The following NEK5 variants were observed in gnomAD, a reference collection of about 807,000 sequenced individuals.
The protein encoded by NEK5 is serine/threonine-protein kinase Nek5.
NEK5 carries 88 observed loss-of-function variants against 109.2 expected under a neutral mutation model. The ratio of observed to expected loss-of-function variants is 0.81; its 90% CI spans 0.68 to 0.96. The LOEUF (loss-of-function observed/expected upper bound fraction) is 0.96. Ranked by LOEUF, NEK5 falls within the 40% of genes least tolerant of loss-of-function variation. The pLI, the probability that NEK5 is intolerant of heterozygous loss-of-function variation, is 0.00. For missense variants in NEK5, 834 were observed against 920.7 expected (o/e 0.91, Z 1.22); for synonymous variants, 283 against 299.9 (o/e 0.94, Z 0.58).
At chr13:52,074,978 T>C (rs929444113) in intron 19 of NEK5, among the ~76,000 whole-genome samples, 3 of 152,058 alleles carry the variant, frequency 2.0e-5, no homozygotes, top group Non-Finnish European at 4.4e-5. Flanking sequence ...AAAACAAATA[T>C]TGGCGAGGCT....
At chr13:52,110,309 T>G (rs1955732635) in intron 7 of NEK5, 31 bp downstream of exon 7, 4 of 1,451,094 alleles carry the variant, frequency 2.8e-6, no homozygotes, top group Non-Finnish European at 3.9e-6. Flanking sequence ...CTATTTTGAC[T>G]AGAAAGAAAA....
intron 17 of NEK5, among the ~76,000 whole-genome samples, chr13:52,081,238 A>C (rs968112276): frequency 8.5e-5 from 13 of 152,360 alleles, no homozygotes; most frequent in Admixed American, 3.3e-4. Flanking sequence ...CCCTTCAAAA[A>C]AGATAATTAA....
chr13:52,057,764 A>T (rs929513904), intron 22 of NEK5, among the ~76,000 whole-genome samples: 5 of 152,192 alleles, frequency 3.3e-5, no homozygotes, highest in Admixed American at 1.3e-4. Flanking sequence ...CTTCATGCTA[A>T]AAACTCTCAA....
chr13:52,097,950 T>C (rs956956887), intron 12 of NEK5, among the ~76,000 whole-genome samples: 1 of 152,182 alleles, frequency 6.6e-6, no homozygotes, highest in Admixed American at 6.5e-5. Context: ...CTTGTGATAG[T>C]AAGTTCTCCA....
intron 19 of NEK5, among the ~76,000 whole-genome samples, chr13:52,075,495 G>T (rs918926200): frequency 2.0e-5 from 3 of 152,076 alleles, no homozygotes; most frequent in African/African-American, 4.8e-5. Flanking sequence ...CTACAGTGGG[G>T]GTAAGAAAGG....
intron 21 of NEK5, among the ~76,000 whole-genome samples, chr13:52,064,199 G>T (rs1263743798): frequency 7.1e-6 from 1 of 141,566 alleles, no homozygotes; most frequent in Non-Finnish European, 1.5e-5. Flanking sequence ...CCCCCGCCCG[G>T]CCAGCCGCCC....
intron 4 of NEK5, among the ~76,000 whole-genome samples, chr13:52,114,472 C>T (rs1452727379): frequency 6.6e-6 from 1 of 152,230 alleles, no homozygotes; most frequent in Non-Finnish European, 1.5e-5. Flanking sequence ...TCTTCTTTCA[C>T]ATATTTCAAT....
At chr13:52,043,407 G>C (rs765540228) in intron 23 of NEK5, among the ~76,000 whole-genome samples, 11 of 151,290 alleles carry the variant, frequency 7.3e-5, no homozygotes, top group Non-Finnish European at 1.2e-4. Context: ...CATGGTGGCA[G>C]GTACCTGTAA....
intron 22 of NEK5, among the ~76,000 whole-genome samples, chr13:52,052,507 C>T (rs2408547): frequency 0.63 from 95,339 of 151,918 alleles, 31,058 homozygotes; most frequent in Non-Finnish European, 0.72. Flanking sequence ...CTCAGGGGAA[C>T]GTATTTGCAG....
At chr13:52,107,811 C>T (rs1638843501) in intron 8 of NEK5, among the ~76,000 whole-genome samples, 1 of 152,116 alleles carries the variant, frequency 6.6e-6, no homozygotes, top group Non-Finnish European at 1.5e-5. Context: ...TCTGCAGGAA[C>T]TCCCTAAACC....
intron 20 of NEK5, among the ~76,000 whole-genome samples, chr13:52,066,772 C>T (rs1285563353): frequency 6.6e-6 from 1 of 151,396 alleles, no homozygotes; most frequent in Non-Finnish European, 1.5e-5. Flanking sequence ...CCTTTGCACT[C>T]CAGCCTTGGT....
At chr13:52,072,210 C>T (rs1954795967) in intron 19 of NEK5, 140 bp from the exon 20 acceptor site, 1 of 645,218 alleles carries the variant, frequency 1.5e-6, no homozygotes. Flanking sequence ...CAAATAAATC[C>T]ATAGAGTTTT....
At chr13:52,106,503 C>G (rs1004275161) in intron 8 of NEK5, among the ~76,000 whole-genome samples, 4 of 152,144 alleles carry the variant, frequency 2.6e-5, no homozygotes, top group Non-Finnish European at 4.4e-5. Context: ...CGGTGGCTCA[C>G]ACCTGCAATC....
rs754549344 is a variant in NEK5 at position 52,112,243 on chromosome 13, TA to T, written c.312+24del. The T allele has an allele frequency of 2.2e-6, 3 of 1,393,390 alleles. No homozygotes were observed. The Admixed American group carries it at 5.1e-5, about 24-fold the overall frequency. The allele number at this position is 1,393,390 out of a possible 1,614,324, so 86.3% of individuals were successfully genotyped here. A position where few individuals can be genotyped will look rare whatever the true frequency, so the allele number is the denominator to read the frequency against. On this transcript the variant is annotated intron_variant, in intron 5 of 23. Transcript: ENST00000684899. ...TCCCCCCACCACACATACATAAAAT[TA>T]AAAAGCAAATTAGAAGTTTTTACCT...
intron 7 of NEK5, among the ~76,000 whole-genome samples, chr13:52,109,858 T>C (rs189005294): frequency 3.3e-5 from 5 of 152,188 alleles, no homozygotes; most frequent in South Asian, 4.1e-4. Flanking sequence ...ACCAAACCCA[T>C]GTACATCTAA....
chr13:52,104,641 C>T, intron 8 of NEK5, 89 bp from the exon 9 acceptor site: 1 of 874,134 alleles, frequency 1.1e-6, no homozygotes, highest in African/African-American at 1.7e-5. Flanking sequence ...ATTTGTGTCG[C>T]TTTACAATTT....
At chr13:52,084,734 TGA>T (rs1170629594) in intron 16 of NEK5, among the ~76,000 whole-genome samples, 1,552 of 109,612 alleles carry the variant, frequency 0.014, 7 homozygotes, top group East Asian at 0.026. Context: ...AGAGAGAGAG[TGA>T]GAGAGAGAGA....
In NEK5 at chr13:52,037,217, T is replaced by A; in HGVS notation, c.2230A>T (p.Asn744Tyr). The A allele has an allele frequency of 1.0e-6, 1 of 981,968 alleles. No homozygotes were observed. The highest frequency in any genetic ancestry group is 1.2e-6 in the Non-Finnish European group (1 of 826,832). The allele number at this position is 981,968 out of a possible 1,614,324, so 60.8% of individuals were successfully genotyped here. The change falls in exon 24 of 24, where the codon AAT (asparagine) becomes TAT (tyrosine). Residue 744 changes from asparagine (N) to tyrosine (Y), a missense_variant and splice_region_variant. By Grantham distance (143) the Asn-to-Tyr change is moderately radical. Transcript: ENST00000684899. ...AACTCATCTTCAGATTCTTCAAAATTTCTGAAATAATAAGCAGTAAAAATC... is the reference window on the plus strand; with the variant it reads ...AACTCATCTTCAGATTCTTCAAAATATCTGAAATAATAAGCAGTAAAAATC... ...LEPRSDDDDTNFEESEDELRD... is the reference protein window; with the variant it reads ...LEPRSDDDDTYFEESEDELRD...
At position 52,035,276 on chromosome 13, in the gene NEK5, G is replaced by T. The variant is rs1382224982; in HGVS notation, c.*1672C>A. 6.6e-6 allele frequency: 1 copy of T among 152,128 alleles called. No homozygotes were observed. The highest frequency in any genetic ancestry group is 1.5e-5 in the Non-Finnish European group (1 of 68,036). The allele number at this position is 152,128 out of a possible 1,614,324, so 9.4% of individuals were successfully genotyped here. A position where few individuals can be genotyped will look rare whatever the true frequency, so the allele number is the denominator to read the frequency against. ...GTCACAAAAAACTGGATGTACCTCA[G>T]GTGACTCCTAAGACTTGCATTCTCC... On this transcript the variant is annotated 3_prime_UTR_variant, in exon 24 of 24. Coordinates refer to ENST00000684899, the MANE Select transcript of NEK5 (RefSeq NM_001365552.1).
Sources: gnomAD v4.1 joint callset for allele counts (sites outside exome capture counted in the v4.1 genomes callset) on GRCh38, gnomAD v4.1.1 for gene constraint, MANE v1.5 for transcripts, NCBI Gene and HGNC (gene_info 2026-07-23, HGNC 2026-07-21) for gene names.